The following ATF6 variants were observed in gnomAD, a reference collection of about 807,000 sequenced individuals.
ATF6 encodes the protein activating transcription factor 6, also known as cyclic AMP-dependent transcription factor ATF-6 alpha.
In ATF6, 53 loss-of-function variants were observed where a neutral mutation model predicts 83.6. The ratio of observed to expected loss-of-function variants is 0.63; its 90% CI spans 0.51 to 0.80. ATF6 has a LOEUF of 0.80. Among genes scored for constraint, ATF6 ranks in the 30% least tolerant of loss-of-function variants. The probability of loss-of-function intolerance (pLI) is 0.00; values close to 1 mark genes in which losing one functional copy is unlikely to be tolerated. For synonymous variants in ATF6, 288 were observed against 285.8 expected (o/e 1.01, Z -0.08); for missense variants, 744 against 797.9 (o/e 0.93, Z 0.81).
intron 7 of ATF6, among the ~76,000 whole-genome samples, chr1:161,812,355 T>TGGGAGCA (rs1470892597): frequency 1.5e-5 from 2 of 136,936 alleles, no homozygotes; most frequent in African/African-American, 5.5e-5. Context: ...GGAGCTGGAA[T>TGGGAGCA]GGGAGCAGGT....
intron 9 of ATF6, among the ~76,000 whole-genome samples, chr1:161,842,089 A>T (rs1463126464): frequency 6.6e-6 from 1 of 152,214 alleles, no homozygotes; most frequent in Non-Finnish European, 1.5e-5. Context: ...TCCATAAGTC[A>T]TACAAATAGC....
chr1:161,799,332 G>T (rs1409841948), intron 6 of ATF6, among the ~76,000 whole-genome samples: 137 of 152,328 alleles, frequency 9.0e-4, no homozygotes, highest in Middle Eastern at 3.4e-3. Context: ...TGCAGGAACA[G>T]AAAACCAAAT....
intron 14 of ATF6, among the ~76,000 whole-genome samples, chr1:161,871,560 A>G (rs1389169299): frequency 6.6e-6 from 1 of 151,636 alleles, no homozygotes; most frequent in Non-Finnish European, 1.5e-5. Context: ...AATTTTTTGT[A>G]ATGAGGGAAG....
chr1:161,794,638 A>G (rs1032886643), intron 6 of ATF6, among the ~76,000 whole-genome samples: 4 of 152,114 alleles, frequency 2.6e-5, no homozygotes, highest in African/African-American at 7.2e-5. Flanking sequence ...CGAACTTTAT[A>G]ATATTACTCT....
rs1416340820 is a variant in ATF6 at position 161,960,176 on chromosome 1, C to A, written c.*1522C>A. 2 of 151,534 alleles carry A rather than the reference C, an allele frequency of 1.3e-5. No homozygotes were observed. Among genetic ancestry groups the A allele is most frequent in the Non-Finnish European group, 2.9e-5 (2 of 67,970 alleles). The allele number at this position is 151,534 out of a possible 1,614,324, so 9.4% of individuals were successfully genotyped here. A position where few individuals can be genotyped will look rare whatever the true frequency, so the allele number is the denominator to read the frequency against. ...ACAATTATGTTTCATTTGATGAATT[C>A]ATAGAACTGGATCTCATACAGCGAT... On this transcript the variant is annotated 3_prime_UTR_variant, in exon 16 of 16. Transcript: ENST00000367942.
At chr1:161,912,430 C>G (rs180844618) in intron 15 of ATF6, 50 bp downstream of exon 15, 2 of 1,304,410 alleles carry the variant, frequency 1.5e-6, no homozygotes, top group East Asian at 2.4e-5. Flanking sequence ...TTTGTTTAAC[C>G]AGGATTCTCT....
intron 15 of ATF6, among the ~76,000 whole-genome samples, chr1:161,926,732 G>A (rs1246139262): frequency 6.6e-6 from 1 of 152,098 alleles, no homozygotes; most frequent in Non-Finnish European, 1.5e-5. Flanking sequence ...CATGCTGCTT[G>A]TCAAAGAATG....
chr1:161,895,426 T>C (rs1430192394), intron 14 of ATF6, among the ~76,000 whole-genome samples: 1 of 152,236 alleles, frequency 6.6e-6, no homozygotes, highest in Non-Finnish European at 1.5e-5. Context: ...AGTATATGCC[T>C]ACTTTTATAG....
chr1:161,875,295 A>G (rs963686014), intron 14 of ATF6, among the ~76,000 whole-genome samples: 3 of 151,802 alleles, frequency 2.0e-5, no homozygotes, highest in African/African-American at 7.2e-5. Flanking sequence ...TGCAACACGG[A>G]AGCCAAATCT....
chr1:161,827,823 C>T (rs772326053), intron 9 of ATF6, among the ~76,000 whole-genome samples: 4 of 151,884 alleles, frequency 2.6e-5, no homozygotes, highest in South Asian at 2.1e-4. Context: ...ACTGAATAGA[C>T]GTCACACAGG....
At chr1:161,901,052 A>G (rs1687776751) in intron 14 of ATF6, among the ~76,000 whole-genome samples, 1 of 152,184 alleles carries the variant, frequency 6.6e-6, no homozygotes. Context: ...TGTCGTATTA[A>G]GCAACAAACA....
chr1:161,804,153 T>C (rs1269849174), intron 7 of ATF6, among the ~76,000 whole-genome samples: 1 of 152,038 alleles, frequency 6.6e-6, no homozygotes, highest in African/African-American at 2.4e-5. Flanking sequence ...AATACTCTTT[T>C]AAATTATGAA....
chr1:161,774,901 A>C (rs1313097658), intron 1 of ATF6, among the ~76,000 whole-genome samples: 9 of 152,116 alleles, frequency 5.9e-5, no homozygotes, highest in Non-Finnish European at 1.0e-4. Flanking sequence ...CCTGTCTCTA[A>C]TGTCCTTGAC....
At chr1:161,907,659 A>G (rs933588181) in intron 14 of ATF6, among the ~76,000 whole-genome samples, 4 of 152,224 alleles carry the variant, frequency 2.6e-5, no homozygotes, top group Non-Finnish European at 4.4e-5. Flanking sequence ...CATCTTATCT[A>G]TATAGTGGGT....
chr1:161,875,131 C>A (rs1687185476), intron 14 of ATF6, among the ~76,000 whole-genome samples: 1 of 151,660 alleles, frequency 6.6e-6, no homozygotes, highest in East Asian at 1.9e-4. Flanking sequence ...ATTCTTATAT[C>A]TGTTCTTTTT....
chr1:161,871,082 G>C (rs7517862), intron 14 of ATF6, among the ~76,000 whole-genome samples: 42,808 of 151,428 alleles, frequency 0.28, 7,455 homozygotes, highest in South Asian at 0.42. Flanking sequence ...AATAAATGTT[G>C]ACTACTCAGA....
intron 8 of ATF6, 69 bp downstream of exon 8, chr1:161,819,887 T>G: frequency 4.6e-6 from 6 of 1,304,522 alleles, no homozygotes; most frequent in East Asian, 5.5e-5. Flanking sequence ...ATAGAGAAAC[T>G]TTTACATTTT....
At chr1:161,824,517 T>A (rs1002619268) in intron 9 of ATF6, among the ~76,000 whole-genome samples, 1 of 152,056 alleles carries the variant, frequency 6.6e-6, no homozygotes. Flanking sequence ...ACATAGCACC[T>A]CTCCCCTTCA....
chr1:161,784,100 A>G lies in ATF6; in HGVS notation c.354+4A>G. 6.3e-7 allele frequency: 1 copy of G among 1,593,868 alleles called. No individual in the cohort carries two copies. Reference sequence around the variant, plus strand: ...TTCTTCAACTCAGCATGTTCCTGTGAGTAGCCAGTCTTTTACAATGATTTT... The same window carrying G: ...TTCTTCAACTCAGCATGTTCCTGTGGGTAGCCAGTCTTTTACAATGATTTT... On this transcript the variant is annotated splice_donor_region_variant and intron_variant, in intron 4 of 15. Transcript: ENST00000367942.
Sources: allele counts gnomAD v4.1 joint callset (sites outside exome capture counted in the v4.1 genomes callset), GRCh38; gene constraint gnomAD v4.1.1; transcripts MANE v1.5; gene names NCBI Gene and HGNC (gene_info 2026-07-23, HGNC 2026-07-21).